Variants in SERINC5 observed in about 807,000 individuals in gnomAD.
The protein encoded by SERINC5 is serine incorporator 5.
SERINC5 carries 41 observed loss-of-function variants against 63.1 expected under a neutral mutation model. The ratio of observed to expected loss-of-function variants is 0.65; its 90% CI spans 0.51 to 0.84. The LOEUF is 0.84. SERINC5 is among the 40% of genes least tolerant of loss of function. SERINC5 has a pLI of 0.00. For synonymous variants in SERINC5, 222 were observed against 215.2 expected (o/e 1.03, Z -0.28); for missense variants, 523 against 573.0 (o/e 0.91, Z 0.89).
intron 5 of SERINC5, among the ~76,000 whole-genome samples, chr5:80,174,404 A>ATAATAATAATAAT (rs1554064063): frequency 0.02 from 2,922 of 145,802 alleles, 47 homozygotes; most frequent in South Asian, 0.051. Flanking sequence ...AATAATAATA[A>ATAATAATAATAAT]AAGAAAAAGA....
At chr5:80,160,343 G>A (rs548014684) in intron 7 of SERINC5, among the ~76,000 whole-genome samples, 2 of 152,264 alleles carry the variant, frequency 1.3e-5, no homozygotes, top group Admixed American at 6.5e-5. Flanking sequence ...ACCATCAGTG[G>A]TAATTTACCT....
intron 7 of SERINC5, among the ~76,000 whole-genome samples, chr5:80,163,528 G>C (rs1203940890): frequency 1.3e-5 from 2 of 149,068 alleles, no homozygotes; most frequent in Admixed American, 6.7e-5. Flanking sequence ...TTTAAGTTAT[G>C]TTCCTACTTT....
At chr5:80,193,903 C>T (rs913123621) in intron 2 of SERINC5, among the ~76,000 whole-genome samples, 1 of 152,164 alleles carries the variant, frequency 6.6e-6, no homozygotes, top group African/African-American at 2.4e-5. Flanking sequence ...TCTCCAGAGT[C>T]ATCCTAACTT....
intron 5 of SERINC5, among the ~76,000 whole-genome samples, chr5:80,170,302 C>T (rs1216641855): frequency 6.6e-6 from 1 of 152,068 alleles, no homozygotes; most frequent in Non-Finnish European, 1.5e-5. Flanking sequence ...GCTGACATGT[C>T]CTTTTTTATG....
chr5:80,188,571 T>C (rs1434029578), intron 2 of SERINC5, among the ~76,000 whole-genome samples: 1 of 151,986 alleles, frequency 6.6e-6, no homozygotes. Context: ...GATAAATCTA[T>C]TTGCATCTTC....
chr5:80,143,029 G>A lies in SERINC5; in HGVS notation c.*634C>T, dbSNP rs569013617. The A allele has an allele frequency of 7.4e-5, 73 of 985,422 alleles. No individual in the cohort carries two copies. The highest frequency in any genetic ancestry group is 8.7e-5 in the Non-Finnish European group (72 of 829,956). 61.0% of individuals were successfully genotyped at this position (985,422 alleles called of 1,614,324 possible). On this transcript the variant is annotated 3_prime_UTR_variant, in exon 12 of 12. Transcript: ENST00000507668. ...TGGGACCCAGAAAAGATGAGACCTC[G>A]GGGAAGGGTGCAGGCAGAGAGTGAA... is the stretch of plus-strand genomic sequence containing the variant.
chr5:80,155,488 G>A (rs1331799364), intron 8 of SERINC5, among the ~76,000 whole-genome samples: 6 of 151,650 alleles, frequency 4.0e-5, no homozygotes, highest in Non-Finnish European at 5.9e-5. Flanking sequence ...CAGGAGAATC[G>A]CTTGAACCTG....
At chr5:80,173,281 G>T (rs1282159054) in intron 5 of SERINC5, among the ~76,000 whole-genome samples, 55 of 144,160 alleles carry the variant, frequency 3.8e-4, no homozygotes, top group African/African-American at 1.2e-3. Context: ...AAGGAAGGAA[G>T]AAAATGAAAT....
At position 80,222,468 on chromosome 5, in the gene SERINC5, C is replaced by T. The variant is rs114869230; in HGVS notation, c.28-19415G>A. ...GAAACAGAGATTTACTTCATAATAA[C>T]AAAACTGGACCACGTGGGAACCAAA... is the stretch of plus-strand genomic sequence containing the variant. On this transcript the variant is annotated intron_variant, in intron 1 of 11. Coordinates refer to ENST00000507668, the MANE Select transcript of SERINC5 (RefSeq NM_001174072.3). Among the ~76,000 whole-genome samples the T allele has an allele frequency of 9.0e-3, 1,349 of 149,632 alleles. 23 individuals carry two copies. Among genetic ancestry groups the T allele is most frequent in the African/African-American group, 0.031 (1,264 of 41,060 alleles).
At chr5:80,155,437 G>A (rs1746456349) in intron 8 of SERINC5, among the ~76,000 whole-genome samples, 1 of 152,092 alleles carries the variant, frequency 6.6e-6, no homozygotes, top group South Asian at 2.1e-4. Flanking sequence ...TGGTGGCGTG[G>A]TGGCACGCGC....
intron 1 of SERINC5, among the ~76,000 whole-genome samples, chr5:80,247,984 G>T (rs750324045): frequency 6.6e-6 from 1 of 152,044 alleles, no homozygotes; most frequent in South Asian, 2.1e-4. Flanking sequence ...AAGTAGCTGG[G>T]ACTATATAGG....
chr5:80,149,896 G>A (rs749704400), intron 9 of SERINC5, among the ~76,000 whole-genome samples: 9 of 152,152 alleles, frequency 5.9e-5, no homozygotes, highest in Non-Finnish European at 1.0e-4. Flanking sequence ...ATTAGACCTT[G>A]CTGTTGTTGG....
intron 11 of SERINC5, among the ~76,000 whole-genome samples, chr5:80,131,793 C>T (rs1744959176): frequency 6.6e-6 from 1 of 152,162 alleles, no homozygotes; most frequent in African/African-American, 2.4e-5. Context: ...TTGTCACTGT[C>T]CTAAGAAGAG....
chr5:80,177,822 C>T (rs1248660410), intron 3 of SERINC5, 64 bp downstream of exon 3: 1 of 1,290,938 alleles, frequency 7.7e-7, no homozygotes. Context: ...CAGATGGGAT[C>T]CTGGACTACT....
At chr5:80,217,611 C>T (rs1003164887) in intron 1 of SERINC5, among the ~76,000 whole-genome samples, 10 of 152,214 alleles carry the variant, frequency 6.6e-5, no homozygotes, top group Admixed American at 5.2e-4. Context: ...ATATGTAACA[C>T]ATATGGATGC....
intron 2 of SERINC5, among the ~76,000 whole-genome samples, chr5:80,182,666 C>T (rs1383940508): frequency 3.3e-5 from 5 of 151,872 alleles, no homozygotes; most frequent in Non-Finnish European, 7.4e-5. Flanking sequence ...CTGCCTCAGC[C>T]TCCAGAGTAG....
At chr5:80,245,389 C>T (rs1315093876) in intron 1 of SERINC5, among the ~76,000 whole-genome samples, 1 of 152,138 alleles carries the variant, frequency 6.6e-6, no homozygotes, top group East Asian at 1.9e-4. Context: ...GCAAATGTCC[C>T]TGCCAAGGGA....
At chr5:80,135,013 C>T (rs756908616), downstream of SERINC5, among the ~76,000 whole-genome samples, 3 of 152,234 alleles carry the variant, frequency 2.0e-5, no homozygotes, top group Non-Finnish European at 4.4e-5. Context: ...AGCCACTGGG[C>T]TCCTAACCAT....
At chr5:80,180,633 G>A (rs1306292708) in intron 2 of SERINC5, among the ~76,000 whole-genome samples, 1 of 152,192 alleles carries the variant, frequency 6.6e-6, no homozygotes, top group Non-Finnish European at 1.5e-5. Flanking sequence ...CTTTAAAGGG[G>A]AGAAGGCATG....
Sources: allele counts gnomAD v4.1 joint callset (sites outside exome capture counted in the v4.1 genomes callset), GRCh38; gene constraint gnomAD v4.1.1; transcripts MANE v1.5; gene names NCBI Gene and HGNC (gene_info 2026-07-23, HGNC 2026-07-21).